DLGAP1: variants seen among roughly 807,000 people sequenced by gnomAD.
The protein encoded by DLGAP1 is disks large-associated protein 1.
DLGAP1 carries 11 observed loss-of-function variants against 90.8 expected under a neutral mutation model. The observed-to-expected ratio is 0.12, with a 90% CI of 0.08 to 0.20. The LOEUF (loss-of-function observed/expected upper bound fraction) is 0.20, where lower values mean the gene tolerates loss of function less well. DLGAP1 is among the 10% of genes least tolerant of loss of function. The probability of loss-of-function intolerance (pLI) is 1.00; values close to 1 mark genes in which losing one functional copy is unlikely to be tolerated. For missense variants in DLGAP1, 1,050 were observed against 1,333.8 expected, an observed-to-expected ratio of 0.79 and a Z score of 3.31; for synonymous variants, 558 against 540.7, an observed-to-expected ratio of 1.03 and a Z score of -0.44.
intron 9 of DLGAP1, among the ~76,000 whole-genome samples, chr18:3,564,224 G>A (rs567990401): frequency 3.9e-5 from 6 of 152,326 alleles, no homozygotes; most frequent in Non-Finnish European, 7.3e-5. Flanking sequence ...AGGGAAAAGT[G>A]CTCTACAGTT....
chr18:3,563,038 G>C lies in DLGAP1; in HGVS notation c.2057+4452C>G, dbSNP rs541881755. Among the ~76,000 whole-genome samples, 6 of 152,058 alleles carry C rather than the reference G, an allele frequency of 3.9e-5. No homozygotes were observed. In the South Asian group the frequency reaches 1.2e-3, roughly 32 times the overall value. ...GATGGGATTTTGCCATATTGCCCAG[G>C]TTGGTCTTGAACTCCTGGGCTGAAG... On this transcript the variant is annotated intron_variant, in intron 9 of 12. Transcript: ENST00000315677.
At chr18:4,178,952 T>A (rs1200421909) in intron 1 of DLGAP1, among the ~76,000 whole-genome samples, 1 of 152,184 alleles carries the variant, frequency 6.6e-6, no homozygotes, top group East Asian at 1.9e-4. Context: ...ATAACATTTT[T>A]ATTTATAATA....
intron 3 of DLGAP1, among the ~76,000 whole-genome samples, chr18:3,909,451 T>C (rs1455291193): frequency 6.6e-6 from 1 of 152,208 alleles, no homozygotes; most frequent in African/African-American, 2.4e-5. Flanking sequence ...TCAAGCTGTG[T>C]TCCAAAAGGG....
chr18:3,769,470 T>C (rs1385575210), intron 5 of DLGAP1, among the ~76,000 whole-genome samples: 1 of 152,184 alleles, frequency 6.6e-6, no homozygotes, highest in Admixed American at 6.5e-5. Flanking sequence ...GCTTTGTTTA[T>C]AATCGCCCCA....
chr18:4,224,725 T>C (rs1427380472), intron 1 of DLGAP1, among the ~76,000 whole-genome samples: 1 of 151,552 alleles, frequency 6.6e-6, no homozygotes, highest in Non-Finnish European at 1.5e-5. Flanking sequence ...TCTCCAGGTC[T>C]TGGCTCTGGG....
rs117223077 is a variant in DLGAP1 at position 3,915,391 on chromosome 18, T to C, written c.-72-35251A>G. ...AAGTGAACCTCATGCAGACTTAAAA[T>C]AGTGGGTGACTTGGTAAAGTGGCAG... On this transcript the variant is annotated intron_variant, in intron 3 of 12. Coordinates refer to ENST00000315677, the MANE Select transcript of DLGAP1 (RefSeq NM_004746.4). Among the ~76,000 whole-genome samples the C allele has an allele frequency of 1.6e-3, 247 of 152,288 alleles. 7 individuals are homozygous for C. The East Asian group carries it at 0.041, about 25-fold the overall frequency.
chr18:3,668,159 A>G (rs2059947483), intron 7 of DLGAP1, among the ~76,000 whole-genome samples: 3 of 152,224 alleles, frequency 2.0e-5, no homozygotes, highest in Admixed American at 1.3e-4. Flanking sequence ...CAGATGGCAC[A>G]TAAGCCCCAA....
chr18:4,230,647 G>A (rs1382857659), intron 1 of DLGAP1, among the ~76,000 whole-genome samples: 1 of 149,774 alleles, frequency 6.7e-6, no homozygotes, highest in Non-Finnish European at 1.5e-5. Flanking sequence ...TGGAAGGTGG[G>A]GAGGAAATGG....
intron 8 of DLGAP1, among the ~76,000 whole-genome samples, chr18:3,569,148 CGT>C (rs2054617461): frequency 6.6e-6 from 1 of 151,642 alleles, no homozygotes; most frequent in East Asian, 2.0e-4. Flanking sequence ...ATTACAGACG[CGT>C]GCCACCATGC....
At position 3,879,022 on chromosome 18, in the gene DLGAP1, A is replaced by G; in HGVS notation, c.957+90T>C. ...AGGTTCCTATCTTAATAGACAATTC[A>G]GAGTAGTGCCAAGACTAGAACCAGG... is the stretch of plus-strand genomic sequence containing the variant. On this transcript the variant is annotated intron_variant, in intron 4 of 12. Transcript: ENST00000315677. This position sits in a 1 kb window ranked among gnomAD's most constrained non-coding sequence, Gnocchi z 6.6. 2 of 1,114,684 alleles carry G rather than the reference A, an allele frequency of 1.8e-6. No homozygotes were observed. Among genetic ancestry groups the G allele is most frequent in the Non-Finnish European group, 2.5e-6 (2 of 813,932 alleles). The allele number at this position is 1,114,684 out of a possible 1,614,324, so 69.0% of individuals were successfully genotyped here. A position where few individuals can be genotyped will look rare whatever the true frequency, so the allele number is the denominator to read the frequency against.
At chr18:4,080,870 T>C (rs187388958) in intron 2 of DLGAP1, among the ~76,000 whole-genome samples, 106 of 150,698 alleles carry the variant, frequency 7.0e-4, no homozygotes, top group Non-Finnish European at 1.1e-3. Context: ...CCCCGATGCA[T>C]GTTAATAGAT....
rs573975271 is a variant in DLGAP1 at position 4,332,308 on chromosome 18, G to T, written c.-267+122698C>A. On this transcript the variant is annotated intron_variant, in intron 1 of 12. Coordinates refer to ENST00000315677, the MANE Select transcript of DLGAP1 (RefSeq NM_004746.4). ...AGTAATTAGTTACAACATGCTCAAT[G>T]TGGCTCAATCTTGTCATATTATCTG... is the stretch of plus-strand genomic sequence containing the variant. Among the ~76,000 whole-genome samples, 31 of 152,006 alleles carry T rather than the reference G, an allele frequency of 2.0e-4. 1 individual carries two copies. In the South Asian group the frequency reaches 3.7e-3, roughly 18 times the overall value.
intron 5 of DLGAP1, chr18:3,770,964 G>A (rs1263987276): frequency 6.6e-6 from 1 of 152,030 alleles, no homozygotes; most frequent in Non-Finnish European, 1.5e-5. Flanking sequence ...TTATGCCTTG[G>A]GTGAAAGAAT....
chr18:4,291,509 A>G (rs2079848111), intron 1 of DLGAP1, among the ~76,000 whole-genome samples: 1 of 152,214 alleles, frequency 6.6e-6, no homozygotes, highest in Admixed American at 6.5e-5. Context: ...GTATACATAT[A>G]TGGCAGTTTC....
intron 3 of DLGAP1, among the ~76,000 whole-genome samples, chr18:3,884,056 G>C (rs2071247856): frequency 6.6e-6 from 1 of 152,172 alleles, no homozygotes; most frequent in Non-Finnish European, 1.5e-5. Context: ...AGAACCGATA[G>C]GTAAAAAACG....
chr18:3,864,421 T>C, intron 4 of DLGAP1, among the ~76,000 whole-genome samples: 1 of 152,224 alleles, frequency 6.6e-6, no homozygotes, highest in East Asian at 1.9e-4. Flanking sequence ...TGATATGTTA[T>C]AAAACATTGA....
intron 5 of DLGAP1, among the ~76,000 whole-genome samples, chr18:3,764,778 A>G (rs1224010732): frequency 6.6e-6 from 1 of 152,192 alleles, no homozygotes; most frequent in Non-Finnish European, 1.5e-5. Context: ...TAATTGTGCA[A>G]TCATATCTGG....
At chr18:3,559,108 A>T (rs1476548857) in intron 9 of DLGAP1, among the ~76,000 whole-genome samples, 2 of 152,230 alleles carry the variant, frequency 1.3e-5, no homozygotes, top group Non-Finnish European at 2.9e-5. Flanking sequence ...AAAACGTAGC[A>T]TTCCTACACG....
At chr18:3,883,180 G>T (rs942207341) in intron 3 of DLGAP1, among the ~76,000 whole-genome samples, 5 of 152,204 alleles carry the variant, frequency 3.3e-5, no homozygotes, top group Non-Finnish European at 5.9e-5. Flanking sequence ...GGAGGCGGAG[G>T]TTGCGGCAAG....
Sources: gnomAD v4.1 joint callset for allele counts (sites outside exome capture counted in the v4.1 genomes callset) on GRCh38, gnomAD v4.1.1 for gene constraint, Gnocchi (gnomAD v3.1) non-coding constraint, MANE v1.5 for transcripts, NCBI Gene and HGNC (gene_info 2026-07-23, HGNC 2026-07-21) for gene names.